Variants in ARSG observed in about 807,000 individuals in gnomAD.
ARSG encodes the protein arylsulfatase G, also known as ASG.
ARSG carries 37 observed loss-of-function variants against 50.5 expected under a neutral mutation model. The ratio of observed to expected loss-of-function variants is 0.73; its 90% CI spans 0.56 to 0.96. The LOEUF is 0.96. Ranked by LOEUF, ARSG falls within the 50% of genes least tolerant of loss-of-function variation. The pLI is 0.00. For missense variants in ARSG, 629 were observed against 675.3 expected (o/e 0.93, Z 0.76); for synonymous variants, 225 against 254.6 (o/e 0.88, Z 1.11).
intron 2 of ARSG, among the ~76,000 whole-genome samples, chr17:68,310,650 G>A (rs1021077449): frequency 3.3e-5 from 5 of 152,140 alleles, no homozygotes; most frequent in Admixed American, 2.6e-4. Context: ...GGTTCGGGGG[G>A]AATCATTTCA....
chr17:68,313,498 TAAA>T (rs1388478538), intron 2 of ARSG, among the ~76,000 whole-genome samples: 15 of 152,130 alleles, frequency 9.9e-5, no homozygotes, highest in African/African-American at 3.4e-4. Flanking sequence ...CCTCCTCTAA[TAAA>T]AATACCAGTC....
At chr17:68,313,786 C>T (rs2076962297) in intron 2 of ARSG, among the ~76,000 whole-genome samples, 1 of 150,752 alleles carries the variant, frequency 6.6e-6, no homozygotes, top group African/African-American at 2.4e-5. Context: ...TCAAGCGATT[C>T]TCCTGCCTCG....
At chr17:68,312,620 C>A (rs1444963281) in intron 2 of ARSG, among the ~76,000 whole-genome samples, 1 of 152,160 alleles carries the variant, frequency 6.6e-6, no homozygotes. Context: ...CTTCTCCCCA[C>A]CCCCTTATGA....
rs1389109147 is a variant in ARSG at position 68,399,586 on chromosome 17, A to C, written c.1213-1774A>C. Among the ~76,000 whole-genome samples the C allele has an allele frequency of 3.3e-5, 5 of 152,162 alleles. No individual in the cohort carries two copies. The stretch of plus-strand genomic sequence containing the variant: ...CATAATGGGTCTTCTCAAACAAACA[A>C]AAAAAATGCATAGACAAGTTCTCCA... On this transcript the variant is annotated intron_variant, in intron 10 of 11. Transcript: ENST00000621439. The surrounding 1 kb of genome is among the most constrained non-coding windows in gnomAD (Gnocchi z 4.6).
At chr17:68,283,583 A>G (rs988794922) in intron 1 of ARSG, among the ~76,000 whole-genome samples, 20 of 151,916 alleles carry the variant, frequency 1.3e-4, no homozygotes, top group Admixed American at 6.6e-4. Flanking sequence ...CACTTTGGGA[A>G]GCTGAGGCGG....
intron 1 of ARSG, chr17:68,268,854 A>G (rs1275534153): frequency 3.4e-6 from 2 of 585,128 alleles, no homozygotes; most frequent in African/African-American, 3.8e-5. Context: ...CCAGATTTAT[A>G]TATGGAAGAG....
chr17:68,354,412 CAAA>C (rs1011747696), intron 5 of ARSG, among the ~76,000 whole-genome samples: 1 of 95,266 alleles, frequency 1.0e-5, no homozygotes, highest in African/African-American at 4.3e-5. Context: ...GATCCTGTCT[CAAA>C]AAAAAAAAAA....
At chr17:68,360,388 G>A (rs2079226426) in intron 6 of ARSG, among the ~76,000 whole-genome samples, 2 of 151,988 alleles carry the variant, frequency 1.3e-5, no homozygotes, top group Admixed American at 6.6e-5. Context: ...CCCCCACCTT[G>A]GACCTGTTTT....
At chr17:68,433,970 A>T in the ARSG span, among the ~76,000 whole-genome samples, 10 of 151,714 alleles carry the variant, frequency 6.6e-5, no homozygotes, top group African/African-American at 2.4e-4. Context: ...TTTAGTAGAG[A>T]CGGTGTTTCA....
chr17:68,287,770 C>G (rs138758387), upstream of ARSG, among the ~76,000 whole-genome samples: 1 of 152,220 alleles, frequency 6.6e-6, no homozygotes, highest in East Asian at 1.9e-4. Context: ...AAAGTAATAA[C>G]AGGATAACCT....
intron 6 of ARSG, among the ~76,000 whole-genome samples, chr17:68,361,929 A>G (rs929543347): frequency 1.3e-5 from 2 of 152,268 alleles, no homozygotes; most frequent in Non-Finnish European, 2.9e-5. Flanking sequence ...AACCATGACA[A>G]CAACAAACAA....
In ARSG at chr17:68,347,157, C is replaced by T; in HGVS notation, c.439C>T (p.His147Tyr). Residue 147 changes from histidine to tyrosine, a missense_variant, in exon 4 of 12, where the codon CAC becomes TAC. Coordinates refer to ENST00000621439, the MANE Select transcript of ARSG (RefSeq NM_001267727.2). ...GCATCTTGGACACCACGGCTCTTAT[C>T]ACCCCAACTTCCGTGGTAAGAATTC... ...KWHLGHHGSY[H>Y]PNFRGFDYYF... 1.9e-6 allele frequency: 3 copies of T among 1,614,062 alleles called. No individual in the cohort carries two copies. Among genetic ancestry groups the T allele is most frequent in the Non-Finnish European group, 2.5e-6 (3 of 1,179,958 alleles).
At position 68,311,659 on chromosome 17, in the gene ARSG, T is replaced by C. The variant is rs564971846; in HGVS notation, c.218+3948T>C. 2.6e-5 allele frequency among the ~76,000 whole-genome samples: 4 copies of C among 151,916 alleles called. No individual in the cohort carries two copies. In the South Asian group the frequency reaches 8.4e-4, roughly 32 times the overall value. Reference sequence around the variant, plus strand: ...TGGAGGCAGAGATTGGAGCCATGCCTCTACAAGCCAGGAACACCAAGGACC... The same window carrying C: ...TGGAGGCAGAGATTGGAGCCATGCCCCTACAAGCCAGGAACACCAAGGACC... On this transcript the variant is annotated intron_variant, in intron 2 of 11. Transcript: ENST00000621439.
chr17:68,393,322 T>TAACG (rs1398800711), intron 9 of ARSG, among the ~76,000 whole-genome samples: 4 of 152,302 alleles, frequency 2.6e-5, no homozygotes, highest in Admixed American at 2.6e-4. Context: ...ACCCACCCTG[T>TAACG]AACGCCCTGG....
Position 68,370,541 on chromosome 17 carries a change from G to T in ARSG, c.982+17G>T. 1 of 1,612,136 alleles carries T rather than the reference G, an allele frequency of 6.2e-7. No homozygotes were observed. On this transcript the variant is annotated intron_variant, in intron 8 of 11. Transcript: ENST00000621439. ...CTCGTCAAGGTAAGGGGCTCAGCTG[G>T]GGTTGGTGGATCCCATTGCAATGCT...
intron 2 of ARSG, among the ~76,000 whole-genome samples, chr17:68,313,093 C>CTACTAAAA (rs2076928976): frequency 6.6e-6 from 1 of 152,026 alleles, no homozygotes; most frequent in African/African-American, 2.4e-5. Flanking sequence ...AACGCTGTCA[C>CTACTAAAA]TACTAAAAAT....
At chr17:68,421,046 G>A (rs79049532), downstream of ARSG, 1,091 of 155,350 alleles carry the variant, frequency 7.0e-3, 14 homozygotes, top group African/African-American at 0.025. Context: ...AGTAGGGCTC[G>A]AGTAGATCCT....
At chr17:68,305,930 G>T (rs1190444800) in intron 1 of ARSG, among the ~76,000 whole-genome samples, 1 of 152,086 alleles carries the variant, frequency 6.6e-6, no homozygotes, top group Non-Finnish European at 1.5e-5. Flanking sequence ...ACAAAAATTA[G>T]CTGGGGTGTG....
chr17:68,293,492 C>CTAATAATAATAATAA (rs10570607), intron 1 of ARSG, among the ~76,000 whole-genome samples: 2 of 150,558 alleles, frequency 1.3e-5, no homozygotes, highest in African/African-American at 4.9e-5. Flanking sequence ...GAGCATGATT[C>CTAATAATAATAATAA]TAATAATAAT....
Sources: gnomAD v4.1 joint callset for allele counts (sites outside exome capture counted in the v4.1 genomes callset) on GRCh38, gnomAD v4.1.1 for gene constraint, Gnocchi (gnomAD v3.1) non-coding constraint, MANE v1.5 for transcripts, NCBI Gene and HGNC (gene_info 2026-07-23, HGNC 2026-07-21) for gene names.